CDH13: variants seen among roughly 807,000 people sequenced by gnomAD.
CDH13 encodes cadherin-13.
Under a neutral mutation model 63.8 loss-of-function variants are expected in CDH13, and 24 were observed. The observed-to-expected ratio is 0.38, with a 90% CI of 0.27 to 0.53. The LOEUF (loss-of-function observed/expected upper bound fraction) is 0.53. Ranked by LOEUF, CDH13 falls within the 20% of genes least tolerant of loss-of-function variation. The pLI is 0.85. For missense variants in CDH13, 1,049 were observed against 903.1 expected (o/e 1.16, Z -2.07); for synonymous variants, 503 against 355.3 (o/e 1.42, Z -4.67).
At chr16:83,401,682 A>C (rs2091970279) in intron 6 of CDH13, among the ~76,000 whole-genome samples, 1 of 152,156 alleles carries the variant, frequency 6.6e-6, no homozygotes, top group Non-Finnish European at 1.5e-5. Context: ...AAAAAAATAG[A>C]GGCACCAAGA....
At chr16:83,139,299 G>A (rs1467932043) in intron 4 of CDH13, among the ~76,000 whole-genome samples, 1 of 152,116 alleles carries the variant, frequency 6.6e-6, no homozygotes, top group African/African-American at 2.4e-5. Context: ...CATGCCTAGG[G>A]ATTTTACTTT....
intron 10 of CDH13, among the ~76,000 whole-genome samples, chr16:83,719,727 G>A (rs943188387): frequency 6.6e-6 from 1 of 152,132 alleles, no homozygotes; most frequent in Non-Finnish European, 1.5e-5. Flanking sequence ...TCTGTGCCAT[G>A]TCCTCAGATA....
At chr16:82,967,698 T>G (rs530077724) in intron 2 of CDH13, among the ~76,000 whole-genome samples, 41 of 152,324 alleles carry the variant, frequency 2.7e-4, no homozygotes, top group Non-Finnish European at 1.3e-4. Flanking sequence ...CCGGCAGTTG[T>G]TGCATTTGTG....
chr16:83,245,206 T>C (rs1218116806), intron 5 of CDH13, among the ~76,000 whole-genome samples: 1 of 152,134 alleles, frequency 6.6e-6, no homozygotes, highest in African/African-American at 2.4e-5. Context: ...GGACTCTAAA[T>C]TCCCAGACTT....
At chr16:82,776,674 G>A (rs562295114) in intron 1 of CDH13, among the ~76,000 whole-genome samples, 2 of 152,328 alleles carry the variant, frequency 1.3e-5, no homozygotes, top group South Asian at 4.1e-4. Flanking sequence ...GCCCACATGG[G>A]TTGACTGTGG....
chr16:83,506,427 A>G (rs572946989), intron 7 of CDH13, among the ~76,000 whole-genome samples: 3 of 152,026 alleles, frequency 2.0e-5, no homozygotes, highest in Non-Finnish European at 4.4e-5. Context: ...CCTTTATGTA[A>G]CCTCCTTGAT....
intron 5 of CDH13, among the ~76,000 whole-genome samples, chr16:83,254,979 CTT>C (rs1218855443): frequency 4.9e-4 from 21 of 42,942 alleles, no homozygotes; most frequent in Admixed American, 8.2e-4. Flanking sequence ...TTCTTTCTTT[CTT>C]TCTTTCTTTC....
At chr16:83,788,183 C>T (rs955517535) in intron 13 of CDH13, among the ~76,000 whole-genome samples, 3 of 152,208 alleles carry the variant, frequency 2.0e-5, no homozygotes, top group Non-Finnish European at 2.9e-5. Flanking sequence ...CAAAGCCTCA[C>T]TCCGTGACAT....
intron 6 of CDH13, among the ~76,000 whole-genome samples, chr16:83,357,984 C>G (rs1265031320): frequency 6.6e-6 from 1 of 152,114 alleles, no homozygotes; most frequent in Admixed American, 6.6e-5. Flanking sequence ...CCACAGCAGG[C>G]TAGAGGCGGA....
At chr16:83,678,532 C>G in intron 10 of CDH13, 71 bp downstream of exon 10, 5 of 1,577,456 alleles carry the variant, frequency 3.2e-6, no homozygotes, top group Non-Finnish European at 4.3e-6. Flanking sequence ...GTCGCAGAAG[C>G]TGGTTGTCAG....
intron 4 of CDH13, among the ~76,000 whole-genome samples, chr16:83,133,851 A>G (rs2036162081): frequency 6.6e-6 from 1 of 152,308 alleles, no homozygotes; most frequent in South Asian, 2.1e-4. Flanking sequence ...CTTTGATGGC[A>G]CTTAACACAT....
chr16:82,708,968 G>A (rs1046859905), intron 1 of CDH13, among the ~76,000 whole-genome samples: 2 of 152,180 alleles, frequency 1.3e-5, no homozygotes, highest in African/African-American at 4.8e-5. Flanking sequence ...AACCAGAAGA[G>A]TCCTGAGTGA....
At chr16:82,747,075 G>C (rs1027123725) in intron 1 of CDH13, among the ~76,000 whole-genome samples, 17 of 152,176 alleles carry the variant, frequency 1.1e-4, no homozygotes, top group Admixed American at 3.9e-4. Flanking sequence ...CAAACAAGTA[G>C]AAAATATGCT....
chr16:83,776,413 CTTTT>C (rs893126551), intron 11 of CDH13, among the ~76,000 whole-genome samples: 5 of 152,182 alleles, frequency 3.3e-5, no homozygotes, highest in African/African-American at 1.2e-4. Context: ...TTATGCATTT[CTTTT>C]GAGTTTGCGC....
chr16:83,726,701 G>A (rs1393267841), intron 10 of CDH13, among the ~76,000 whole-genome samples: 1 of 152,174 alleles, frequency 6.6e-6, no homozygotes, highest in Non-Finnish European at 1.5e-5. Flanking sequence ...AGCCGAGCGT[G>A]GAGGCGGGCC....
chr16:83,583,046 C>G (rs889842276), intron 7 of CDH13, among the ~76,000 whole-genome samples: 14 of 152,204 alleles, frequency 9.2e-5, no homozygotes. Flanking sequence ...CTTGCTGTCT[C>G]TCGTGGTCCC....
At chr16:83,401,390 C>T (rs995933211) in intron 6 of CDH13, among the ~76,000 whole-genome samples, 7 of 150,456 alleles carry the variant, frequency 4.7e-5, no homozygotes, top group South Asian at 2.1e-4. Flanking sequence ...ATTAGCCAGG[C>T]GTGGTAGGCG....
rs1374283106 is a variant in CDH13 at position 83,168,171 on chromosome 16, CTT to C, written c.483+42671_483+42672del. Among the ~76,000 whole-genome samples, 117 of 151,906 alleles carry C rather than the reference CTT, an allele frequency of 7.7e-4. 1 individual carries two copies. The highest frequency in any genetic ancestry group is 1.5e-3 in the Non-Finnish European group (105 of 67,984). ...AATATACCTAGGTAACAAACCTGCACTTGTACCCGCTGAATCTAAAACGAAAG... is the reference window on the plus strand; with the variant it reads ...AATATACCTAGGTAACAAACCTGCACGTACCCGCTGAATCTAAAACGAAAG... On this transcript the variant is annotated intron_variant, in intron 4 of 13. Coordinates refer to ENST00000567109, the MANE Select transcript of CDH13 (RefSeq NM_001257.5).
chr16:82,816,771 T>A (rs1414302928), intron 1 of CDH13, among the ~76,000 whole-genome samples: 2 of 129,214 alleles, frequency 1.5e-5, no homozygotes, highest in Non-Finnish European at 3.1e-5. Flanking sequence ...ATCACCGTCG[T>A]CACCATCATC....
Sources: gnomAD v4.1 joint callset for allele counts (sites outside exome capture counted in the v4.1 genomes callset) on GRCh38, gnomAD v4.1.1 for gene constraint, MANE v1.5 for transcripts, NCBI Gene and HGNC (gene_info 2026-07-23, HGNC 2026-07-21) for gene names.